The following PLCB1 variants were observed in gnomAD, a reference collection of about 807,000 sequenced individuals.
PLCB1 encodes phospholipase C beta 1.
In PLCB1, 46 loss-of-function variants were observed where a neutral mutation model predicts 161.8. The ratio of observed to expected loss-of-function variants is 0.28; its 90% CI spans 0.22 to 0.36. The LOEUF is 0.36. PLCB1 is among the 10% of genes least tolerant of loss of function. The pLI is 1.00. For synonymous variants in PLCB1, 517 were observed against 503.7 expected, an observed-to-expected ratio of 1.03 and a Z score of -0.35; for missense variants, 1,016 against 1,472.5, an observed-to-expected ratio of 0.69 and a Z score of 5.07.
intron 3 of PLCB1, among the ~76,000 whole-genome samples, chr20:8,416,078 G>A (rs112725151): frequency 1.1e-3 from 169 of 152,270 alleles, no homozygotes; most frequent in African/African-American, 3.9e-3. Context: ...ACTAAAAATA[G>A]CCTGTAGGTT....
intron 12 of PLCB1, chr20:8,715,965 C>A (rs921917147): frequency 9.1e-6 from 3 of 330,882 alleles, no homozygotes; most frequent in African/African-American, 6.2e-5. Context: ...AGGGACTGAG[C>A]CTCTAACTCT....
intron 2 of PLCB1, among the ~76,000 whole-genome samples, chr20:8,230,215 T>G (rs1979954591): frequency 6.6e-6 from 1 of 152,046 alleles, no homozygotes; most frequent in Non-Finnish European, 1.5e-5. Context: ...TCTAGGACAA[T>G]CTAAAGTCCA....
rs189320112 is a variant in PLCB1, at chr20:8,148,341, C to T, written c.100-1953C>T. Among the ~76,000 whole-genome samples the T allele has an allele frequency of 2.8e-4, 43 of 151,892 alleles. No individual in the cohort carries two copies. In the East Asian group the frequency reaches 7.5e-3, roughly 27 times the overall value. Reference sequence around the variant, plus strand: ...AAAAATTAGTCTTTCATTATAATATCGTTTATTTCCAAATGTCTTTTTTTG... The same window carrying T: ...AAAAATTAGTCTTTCATTATAATATTGTTTATTTCCAAATGTCTTTTTTTG... On this transcript the variant is annotated intron_variant, in intron 1 of 31. Coordinates refer to ENST00000338037, the MANE Select transcript of PLCB1 (RefSeq NM_015192.4).
chr20:8,819,338 A>G (rs6056158), intron 31 of PLCB1, among the ~76,000 whole-genome samples: 4,027 of 152,282 alleles, frequency 0.026, 166 homozygotes, highest in African/African-American at 0.092. Flanking sequence ...TTGGATTCCT[A>G]CCTCACCTCA....
chr20:8,250,653 T>G (rs1210143602), intron 2 of PLCB1, among the ~76,000 whole-genome samples: 1 of 151,922 alleles, frequency 6.6e-6, no homozygotes, highest in East Asian at 1.9e-4. Flanking sequence ...AGTTTACTCA[T>G]AGTGCATTTA....
At chr20:8,196,007 C>T (rs191567988) in intron 2 of PLCB1, among the ~76,000 whole-genome samples, 25 of 152,092 alleles carry the variant, frequency 1.6e-4, no homozygotes, top group Non-Finnish European at 1.6e-4. Context: ...GTGGCAGGAG[C>T]GAGAATGAGA....
intron 2 of PLCB1, among the ~76,000 whole-genome samples, chr20:8,329,738 G>A (rs955500518): frequency 1.1e-4 from 17 of 151,978 alleles, no homozygotes; most frequent in African/African-American, 3.6e-4. Flanking sequence ...CTCATCTGAC[G>A]TGGGCTGTGG....
intron 3 of PLCB1, among the ~76,000 whole-genome samples, chr20:8,499,570 T>C (rs1176914748): frequency 1.3e-5 from 2 of 152,154 alleles, no homozygotes; most frequent in African/African-American, 4.8e-5. Flanking sequence ...TTAGAACATT[T>C]TGGTTGTTGT....
At chr20:8,345,248 TG>T (rs1985960426) in intron 2 of PLCB1, among the ~76,000 whole-genome samples, 1 of 152,140 alleles carries the variant, frequency 6.6e-6, no homozygotes, top group Non-Finnish European at 1.5e-5. Context: ...GTTTGAAACT[TG>T]GGTTCCTTTT....
intron 2 of PLCB1, among the ~76,000 whole-genome samples, chr20:8,227,048 C>G (rs1979734357): frequency 6.6e-6 from 1 of 152,124 alleles, no homozygotes; most frequent in Non-Finnish European, 1.5e-5. Context: ...GTTATCATTT[C>G]AACATGTAAT....
At chr20:8,182,157 T>A (rs928736163) in intron 2 of PLCB1, among the ~76,000 whole-genome samples, 2 of 152,172 alleles carry the variant, frequency 1.3e-5, no homozygotes, top group Non-Finnish European at 2.9e-5. Context: ...TTACTAGCAA[T>A]TCTAGCAGAT....
rs762588249 is a variant in PLCB1 at position 8,881,878 on chromosome 20, A to G, written c.*29A>G. On this transcript the variant is annotated 3_prime_UTR_variant, in exon 32 of 32. Coordinates refer to ENST00000338037, the MANE Select transcript of PLCB1 (RefSeq NM_015192.4). ...CTCCTGCCAGGCCTTCAGAAATTGC[A>G]TGGCCACTCCAGCGTCATCGGACTC... 7.1e-7 allele frequency: 1 copy of G among 1,413,740 alleles called. No homozygotes were observed. Among genetic ancestry groups the G allele is most frequent in the Non-Finnish European group, 1.0e-6 (1 of 997,846 alleles). 87.6% of individuals were successfully genotyped at this position (1,413,740 alleles called of 1,614,324 possible).
At chr20:8,805,973 ACT>A (rs1029000072) in intron 31 of PLCB1, among the ~76,000 whole-genome samples, 5 of 152,076 alleles carry the variant, frequency 3.3e-5, no homozygotes, top group Non-Finnish European at 7.4e-5. Flanking sequence ...TATACCAAAC[ACT>A]GTTTCATTTG....
intron 3 of PLCB1, among the ~76,000 whole-genome samples, chr20:8,438,601 T>C (rs1474188140): frequency 6.6e-6 from 1 of 152,184 alleles, no homozygotes; most frequent in African/African-American, 2.4e-5. Context: ...CAGGTATCTG[T>C]GAATGCAAGC....
intron 11 of PLCB1, among the ~76,000 whole-genome samples, chr20:8,700,272 C>A (rs532477568): frequency 5.9e-5 from 9 of 152,354 alleles, no homozygotes; most frequent in Non-Finnish European, 1.2e-4. Context: ...CCTCCAGAGA[C>A]ATTGTGAGAA....
intron 29 of PLCB1, among the ~76,000 whole-genome samples, 177 bp downstream of exon 29, chr20:8,788,899 G>A (rs1187982989): frequency 1.3e-5 from 2 of 152,108 alleles, no homozygotes; most frequent in Non-Finnish European, 2.9e-5. Flanking sequence ...AGCAAAGACT[G>A]GTTCAATAAA....
intron 3 of PLCB1, among the ~76,000 whole-genome samples, chr20:8,385,474 C>T (rs937318790): frequency 3.3e-5 from 5 of 152,244 alleles, no homozygotes; most frequent in Non-Finnish European, 5.9e-5. Context: ...AGTCCCAGTG[C>T]TGGCTGCTGC....
chr20:8,581,984 T>C (rs577400079), intron 3 of PLCB1, among the ~76,000 whole-genome samples: 1 of 152,314 alleles, frequency 6.6e-6, no homozygotes, highest in Admixed American at 6.5e-5. Context: ...ATTTGCTGAG[T>C]CATGCGAATA....
At chr20:8,309,580 A>G (rs1329769758) in intron 2 of PLCB1, among the ~76,000 whole-genome samples, 3 of 152,244 alleles carry the variant, frequency 2.0e-5, no homozygotes, top group South Asian at 2.1e-4. Flanking sequence ...TAGAAGTCCC[A>G]TGATGACCTA....
Sources: gnomAD v4.1 joint callset for allele counts (sites outside exome capture counted in the v4.1 genomes callset) on GRCh38, gnomAD v4.1.1 for gene constraint, MANE v1.5 for transcripts, NCBI Gene and HGNC (gene_info 2026-07-23, HGNC 2026-07-21) for gene names.